The following MYOF variants were observed in gnomAD, a reference collection of about 807,000 sequenced individuals.
The protein encoded by MYOF is myoferlin.
A neutral mutation model predicts 284.2 loss-of-function variants in MYOF; 244 were observed. That is an observed-to-expected ratio of 0.86 (90% CI 0.77 to 0.95). The LOEUF (loss-of-function observed/expected upper bound fraction) is 0.95, where lower values mean the gene tolerates loss of function less well. Ranked by LOEUF, MYOF falls within the 40% of genes least tolerant of loss-of-function variation. The probability of loss-of-function intolerance (pLI) is 0.00; values close to 1 mark genes in which losing one functional copy is unlikely to be tolerated. For synonymous variants in MYOF, 904 were observed against 919.7 expected (o/e 0.98, Z 0.31); for missense variants, 2,496 against 2,560.6 (o/e 0.97, Z 0.54).
intron 3 of MYOF, among the ~76,000 whole-genome samples, chr10:93,450,639 TTAATCACTG>T (rs1025107882): frequency 6.6e-6 from 1 of 152,184 alleles, no homozygotes; most frequent in African/African-American, 2.4e-5. Context: ...AGGGGCATTA[TTAATCACTG>T]TGCTAGGACA....
chr10:93,349,761 T>G, intron 36 of MYOF, 47 bp downstream of exon 36: 3 of 1,592,112 alleles, frequency 1.9e-6, no homozygotes, highest in Non-Finnish European at 1.7e-6. Context: ...GGCACATACT[T>G]TCATATTTCA....
chr10:93,464,606 G>A (rs1403573069), intron 1 of MYOF, among the ~76,000 whole-genome samples: 1 of 152,088 alleles, frequency 6.6e-6, no homozygotes, highest in Admixed American at 6.5e-5. Context: ...ATATAAGGCT[G>A]AACCCCCAAG....
intron 51 of MYOF, among the ~76,000 whole-genome samples, chr10:93,312,099 G>A (rs941828517): frequency 6.6e-6 from 1 of 152,154 alleles, no homozygotes; most frequent in African/African-American, 2.4e-5. Context: ...ATACACCAAG[G>A]TTGTTTTTAA....
intron 21 of MYOF, among the ~76,000 whole-genome samples, chr10:93,378,662 T>C (rs1318683044): frequency 7.2e-6 from 1 of 138,366 alleles, no homozygotes; most frequent in African/African-American, 2.8e-5. Flanking sequence ...ACTTAGTATA[T>C]GTGTATATGT....
At chr10:93,423,438 A>C (rs1848438138) in intron 5 of MYOF, among the ~76,000 whole-genome samples, 1 of 148,786 alleles carries the variant, frequency 6.7e-6, no homozygotes. Context: ...GAGGCACGAG[A>C]ATTGTTTGAA....
chr10:93,362,436 G>A (rs1265477733), intron 27 of MYOF, among the ~76,000 whole-genome samples: 1 of 151,042 alleles, frequency 6.6e-6, no homozygotes, highest in Admixed American at 6.6e-5. Flanking sequence ...GTACAGATGG[G>A]GTTTCATCAT....
chr10:93,435,218 T>C (rs1849064822), intron 3 of MYOF, among the ~76,000 whole-genome samples: 3 of 152,228 alleles, frequency 2.0e-5, no homozygotes, highest in Admixed American at 2.0e-4. Flanking sequence ...CAAAATGACC[T>C]GAATCTCTGT....
At position 93,341,829 on chromosome 10, in the gene MYOF, G is replaced by A. The variant is rs1190865235; in HGVS notation, c.4327-1665C>T. ...CTTTTCACTCCAAAATCTACTAATG[G>A]AAAGAGTTGTAAGAATAATTCAAGT... On this transcript the variant is annotated intron_variant, in intron 38 of 53. Coordinates refer to ENST00000359263, the MANE Select transcript of MYOF (RefSeq NM_013451.4). The A allele has an allele frequency of 9.9e-6, 9 of 909,406 alleles. No homozygotes were observed. In the East Asian group the frequency reaches 6.1e-4, roughly 62 times the overall value. The allele number at this position is 909,406 out of a possible 1,614,324, so 56.3% of individuals were successfully genotyped here.
chr10:93,409,844 G>A, intron 5 of MYOF, 105 bp from the exon 6 acceptor site: 2 of 1,385,748 alleles, frequency 1.4e-6, no homozygotes, highest in Non-Finnish European at 2.0e-6. Flanking sequence ...TGTTTTAAGT[G>A]TTCCTAAAGT....
At chr10:93,447,196 G>A (rs1334163621) in intron 3 of MYOF, among the ~76,000 whole-genome samples, 1 of 152,194 alleles carries the variant, frequency 6.6e-6, no homozygotes, top group Non-Finnish European at 1.5e-5. Context: ...GGTTCAGATA[G>A]ACTGCACGTG....
intron 5 of MYOF, among the ~76,000 whole-genome samples, chr10:93,414,308 G>A (rs140804689): frequency 1.7e-3 from 266 of 152,058 alleles, no homozygotes; most frequent in African/African-American, 5.9e-3. Flanking sequence ...AGGCTGAGGC[G>A]GGTGGATCAC....
At chr10:93,478,026 G>A (rs1272576921) in intron 1 of MYOF, among the ~76,000 whole-genome samples, 1 of 152,150 alleles carries the variant, frequency 6.6e-6, no homozygotes, top group Non-Finnish European at 1.5e-5. Context: ...AGGACTAACA[G>A]TGGGAGAGAG....
At chr10:93,446,710 C>G (rs1321011134) in intron 3 of MYOF, among the ~76,000 whole-genome samples, 2 of 151,804 alleles carry the variant, frequency 1.3e-5, no homozygotes, top group East Asian at 3.9e-4. Flanking sequence ...ATCATAATAT[C>G]AGAGTAACCA....
rs140271597 is a variant in MYOF, at chr10:93,327,069, G to A, written c.5132-1104C>T. On this transcript the variant is annotated intron_variant, in intron 45 of 53. Coordinates refer to ENST00000359263, the MANE Select transcript of MYOF (RefSeq NM_013451.4). The stretch of plus-strand genomic sequence containing the variant: ...AGAAAAGATGCTGTGTGACTCCAAG[G>A]CTTAGACACAAAAGGCCACACAGCT... Among the ~76,000 whole-genome samples the A allele has an allele frequency of 1.1e-3, 162 of 152,184 alleles. 1 individual carries two copies. The highest frequency in any genetic ancestry group is 3.7e-3 in the African/African-American group (154 of 41,440).
intron 1 of MYOF, among the ~76,000 whole-genome samples, chr10:93,458,274 GC>G (rs1306150865): frequency 6.6e-6 from 1 of 151,888 alleles, no homozygotes; most frequent in Non-Finnish European, 1.5e-5. Flanking sequence ...GATCCCTTGA[GC>G]CCAGGAGGTC....
At chr10:93,384,113 A>G (rs1589477614) in intron 19 of MYOF, among the ~76,000 whole-genome samples, 1 of 152,168 alleles carries the variant, frequency 6.6e-6, no homozygotes, top group East Asian at 1.9e-4. Flanking sequence ...CCGCTGGATC[A>G]CTGTGCAAGC....
At chr10:93,398,114 C>T (rs1380352738) in intron 13 of MYOF, among the ~76,000 whole-genome samples, 1 of 152,148 alleles carries the variant, frequency 6.6e-6, no homozygotes, top group Non-Finnish European at 1.5e-5. Flanking sequence ...CTGATGAAGC[C>T]CTACTGTCCC....
intron 19 of MYOF, among the ~76,000 whole-genome samples, chr10:93,381,705 G>T (rs1004225197): frequency 6.6e-6 from 1 of 152,166 alleles, no homozygotes; most frequent in African/African-American, 2.4e-5. Flanking sequence ...TTCATAAAAA[G>T]ACTTAATTAG....
At chr10:93,410,556 C>T (rs1390866980) in intron 5 of MYOF, among the ~76,000 whole-genome samples, 2 of 152,158 alleles carry the variant, frequency 1.3e-5, no homozygotes, top group African/African-American at 4.8e-5. Context: ...CAAGTAGACA[C>T]AGATCTTTCT....
Sources: gnomAD v4.1 joint callset for allele counts (sites outside exome capture counted in the v4.1 genomes callset) on GRCh38, gnomAD v4.1.1 for gene constraint, MANE v1.5 for transcripts, NCBI Gene and HGNC (gene_info 2026-07-23, HGNC 2026-07-21) for gene names.